Variants in TTN observed in about 807,000 individuals in gnomAD.
TTN encodes titin.
In TTN, 1,525 loss-of-function variants were observed where a neutral mutation model predicts 3,223.0. The ratio of observed to expected loss-of-function variants is 0.47; its 90% confidence interval spans 0.45 to 0.49. TTN has a LOEUF of 0.49. Among genes scored for constraint, TTN ranks in the 20% least tolerant of loss-of-function variants. TTN has a pLI of 0.00. For missense variants in TTN, 40,786 were observed against 43,424.0 expected (o/e 0.94, Z 5.40); for synonymous variants, 14,094 against 15,161.0 (o/e 0.93, Z 5.17).
intron 139 of TTN, 68 bp downstream of exon 139, chr2:178,680,186 A>G: frequency 1.0e-5 from 16 of 1,589,730 alleles, no homozygotes; most frequent in Non-Finnish European, 1.4e-5. Context: ...AAGTTTTCAC[A>G]CACAGAACTG....
In TTN at chr2:178,724,505, A is replaced by G. The variant is rs754721444; in HGVS notation, c.20870T>C (p.Met6957Thr). Residue 6957 changes from methionine (M) to threonine (T), a missense_variant, in exon 72 of 363, where the codon ATG becomes ACG. Coordinates refer to ENST00000589042, the MANE Select transcript of TTN (RefSeq NM_001267550.2). The part of the protein sequence containing the change: ...PAVIVEKAGP[M>T]TVTVGETCTL... ...GCACGTTTCTCCTACAGTCACCGTC[A>G]TCGGTCCTGCCTTCTCAACAATGAC... The G allele has an allele frequency of 1.2e-6, 2 of 1,606,498 alleles. No homozygotes were observed. The highest frequency in any genetic ancestry group is 2.7e-5 in the African/African-American group (2 of 74,708).
chr2:178,688,674 T>C lies in TTN; in HGVS notation c.32197+3A>G, dbSNP rs769891626. 6 of 1,606,134 alleles carry C rather than the reference T, an allele frequency of 3.7e-6. No individual in the cohort carries two copies. The South Asian group carries it at 4.4e-5, about 12-fold the overall frequency. ...ATTTATCCCCTGACTTCCGATTATATACCTTCGTGCCGCGTGACTTCCACT... is the reference window on the plus strand; with the variant it reads ...ATTTATCCCCTGACTTCCGATTATACACCTTCGTGCCGCGTGACTTCCACT... On this transcript the variant is annotated splice_donor_region_variant and intron_variant, in intron 126 of 362. Coordinates refer to ENST00000589042, the MANE Select transcript of TTN (RefSeq NM_001267550.2).
rs760063480 is a variant in TTN at position 178,725,621 on chromosome 2, G to A, written c.20583C>T (p.Asn6861=). Residue 6861 remains asparagine (N), a synonymous_variant, in exon 71 of 363, where the codon AAC becomes AAT. Coordinates refer to ENST00000589042, the MANE Select transcript of TTN (RefSeq NM_001267550.2). The part of the protein sequence containing the change: ...KEPPRFVSKL[N]SLTVVAGEPA... Reference sequence around the variant, plus strand: ...GCTCTCCGGCTACAACAGTGAGGCTGTTCAGTTTGGAGACAAATCTTGGTG... The same window carrying A: ...GCTCTCCGGCTACAACAGTGAGGCTATTCAGTTTGGAGACAAATCTTGGTG... 1.9e-6 allele frequency: 3 copies of A among 1,593,070 alleles called. No individual in the cohort carries two copies. Among genetic ancestry groups the A allele is most frequent in the Non-Finnish European group, 1.7e-6 (2 of 1,169,116 alleles).
chr2:178,684,660 G>T lies in TTN; in HGVS notation c.32638+6C>A. The T allele has an allele frequency of 6.2e-7, 1 of 1,603,308 alleles. No homozygotes were observed. The highest frequency in any genetic ancestry group is 1.1e-5 in the South Asian group (1 of 88,386). On this transcript the variant is annotated splice_donor_region_variant and intron_variant, in intron 131 of 362. Transcript: ENST00000589042. The stretch of plus-strand genomic sequence containing the variant: ...CCTAGTTTTTCTGCTGGGGAGGTTT[G>T]TTTACCTTTGGCTGGGAGAGGTTCT...
chr2:178,717,672 T>G lies in TTN; in HGVS notation c.25202A>C (p.Lys8401Thr), dbSNP rs753121966. ...AGATGTCTGCAAATTAGCATCATCTTTCAAAAGAACCCCATCCTTGTACCA... is the reference window on the plus strand; with the variant it reads ...AGATGTCTGCAAATTAGCATCATCTGTCAAAAGAACCCCATCCTTGTACCA... ...VSWYKDGVLLKDDANLQTSFV... is the reference protein window; with the variant it reads ...VSWYKDGVLLTDDANLQTSFV... Residue 8401 changes from lysine to threonine, a missense_variant, in exon 87 of 363, where the codon AAA (lysine) becomes ACA (threonine). Coordinates refer to ENST00000589042, the MANE Select transcript of TTN (RefSeq NM_001267550.2). The G allele has an allele frequency of 6.2e-7, 1 of 1,613,474 alleles. No homozygotes were observed. The highest frequency in any genetic ancestry group is 1.7e-5 in the Admixed American group (1 of 59,992).
At chr2:178,555,254 T>TAC in intron 330 of TTN, 102 bp from the exon 331 acceptor site, 3 of 1,033,084 alleles carry the variant, frequency 2.9e-6, no homozygotes, top group Non-Finnish European at 1.4e-6. Context: ...TATTAAATTA[T>TAC]ACACACACAC....
Position 178,732,049 on chromosome 2 carries a change from G to C in TTN, c.16903+17C>G. ...GGCCATAACTTTGGCAACACAAGAGGCAAAGTGAACACAAACCTTTGACTA... is the reference window on the plus strand; with the variant it reads ...GGCCATAACTTTGGCAACACAAGAGCCAAAGTGAACACAAACCTTTGACTA... On this transcript the variant is annotated intron_variant, in intron 57 of 362. Transcript: ENST00000589042. 3 of 1,592,202 alleles carry C rather than the reference G, an allele frequency of 1.9e-6. No homozygotes were observed. Among genetic ancestry groups the C allele is most frequent in the South Asian group, 1.1e-5 (1 of 87,512 alleles).
Position 178,723,258 on chromosome 2 carries a change from T to C in TTN, c.21749A>G (p.Glu7250Gly), listed in dbSNP as rs758430575. 6.2e-7 allele frequency: 1 copy of C among 1,613,588 alleles called. No homozygotes were observed. Among genetic ancestry groups the C allele is most frequent in the Admixed American group, 1.7e-5 (1 of 59,988 alleles). The part of the protein sequence containing the change: ...SVEPGKSIIL[E>G]STYTGTLPIS... The stretch of plus-strand genomic sequence containing the variant: ...TGGAAGTGTTCCAGTGTAGGTGCTC[T>C]CCAGAATTATGGACTTCCCTGGTTC... The change falls in exon 75 of 363, where the codon GAG (glutamate) becomes GGG (glycine). Residue 7250 changes from glutamate to glycine, a missense_variant. Glu to Gly is a moderately conservative substitution (Grantham distance 98). Coordinates refer to ENST00000589042, the MANE Select transcript of TTN (RefSeq NM_001267550.2).
chr2:178,776,712 C>T lies in TTN; in HGVS notation c.5152G>A (p.Gly1718Arg). 6.2e-7 allele frequency: 1 copy of T among 1,614,088 alleles called. No homozygotes were observed. Among genetic ancestry groups the T allele is most frequent in the Non-Finnish European group, 8.5e-7 (1 of 1,180,008 alleles). ...AGCCTGCATTCAAAGTGGGCAGGCC[C>T]AAAGCGCTTAAGTCTTAAGGAAGTG... The part of the protein sequence containing the change: ...KLTSLRLKRF[G>R]PAHFECRLTP... Residue 1718 changes from glycine to arginine, a missense_variant, in exon 28 of 363, where the codon GGG becomes AGG. Coordinates refer to ENST00000589042, the MANE Select transcript of TTN (RefSeq NM_001267550.2).
Position 178,576,429 on chromosome 2 carries a change from CAA to C in TTN, c.69716-15_69716-14del, listed in dbSNP as rs1303369267. On this transcript the variant is annotated splice_polypyrimidine_tract_variant and intron_variant, in intron 325 of 362. Transcript: ENST00000589042. The surrounding 1 kb of genome is among the most constrained non-coding windows in gnomAD (Gnocchi z 4.3). ...GGTCCTGGAGGATCTGAGAAAGAAACAAAGACACAAAAGTATATATTCAGAGT... is the reference window on the plus strand; with the variant it reads ...GGTCCTGGAGGATCTGAGAAAGAAACAGACACAAAAGTATATATTCAGAGT... The C allele has an allele frequency of 1.3e-6, 2 of 1,577,300 alleles. No individual in the cohort carries two copies. Among genetic ancestry groups the C allele is most frequent in the Non-Finnish European group, 1.7e-6 (2 of 1,169,132 alleles).
intron 6 of TTN, among the ~76,000 whole-genome samples, chr2:178,796,759 C>T (rs1205944747): frequency 6.6e-6 from 1 of 152,134 alleles, no homozygotes; most frequent in Non-Finnish European, 1.5e-5. Flanking sequence ...CATGACATGA[C>T]TGATTAACAG....
Position 178,633,035 on chromosome 2 carries a change from T to C in TTN, c.43096A>G (p.Ile14366Val). 6.2e-7 allele frequency: 1 copy of C among 1,612,914 alleles called. No individual in the cohort carries two copies. The highest frequency in any genetic ancestry group is 8.5e-7 in the Non-Finnish European group (1 of 1,179,312). Residue 14366 changes from isoleucine (I) to valine (V), a missense_variant, in exon 234 of 363, where the codon ATC becomes GTC. Physicochemically the swap from Ile to Val is conservative, Grantham distance 29. Coordinates refer to ENST00000589042, the MANE Select transcript of TTN (RefSeq NM_001267550.2). ...QPLTASPDCE[I>V]IEDGKKHILI... ...ATATGCTTCTTTCCATCCTCAATGA[T>C]TTCACAGTCCTGTTTGGAGTGAGGG...
At position 178,620,453 on chromosome 2, in the gene TTN, G is replaced by A. The variant is rs534305956; in HGVS notation, c.46068C>T (p.His15356=). The A allele has an allele frequency of 6.2e-7, 1 of 1,612,356 alleles. No individual in the cohort carries two copies. The highest frequency in any genetic ancestry group is 1.1e-5 in the South Asian group (1 of 91,010). The change falls in exon 248 of 363, where the codon CAC becomes CAT. Residue 15356 remains histidine, a synonymous_variant. Coordinates refer to ENST00000589042, the MANE Select transcript of TTN (RefSeq NM_001267550.2). ...AGCCACAGTCTTTAATGGTTAACATGTGCTTGTACTTATCAACTCTGTATG... is the reference window on the plus strand; with the variant it reads ...AGCCACAGTCTTTAATGGTTAACATATGCTTGTACTTATCAACTCTGTATG... ...RVSYRVDKYK[H]MLTIKDCGFP...
At position 178,607,008 on chromosome 2, in the gene TTN, CCTT is replaced by C. The variant is rs2055053782; in HGVS notation, c.53581+10_53581+12del. On this transcript the variant is annotated intron_variant, in intron 278 of 362. Coordinates refer to ENST00000589042, the MANE Select transcript of TTN (RefSeq NM_001267550.2). ...ACATTACTCTATAAACACAATGAAA[CCTT>C]CTCTTTTACCTAGTGGATCAACTGC... 6.3e-7 allele frequency: 1 copy of C among 1,598,994 alleles called. No individual in the cohort carries two copies.
Position 178,604,323 on chromosome 2 carries a change from AG to A in TTN, c.54382-19del. ...TTCCAGATCTAGAAATTAGAAAAAC[AG>A]AAATTTATTGAAGAGAATATACTTA... is the stretch of plus-strand genomic sequence containing the variant. On this transcript the variant is annotated intron_variant, in intron 281 of 362. Coordinates refer to ENST00000589042, the MANE Select transcript of TTN (RefSeq NM_001267550.2). 7.0e-7 allele frequency: 1 copy of A among 1,433,474 alleles called. No homozygotes were observed. The allele number at this position is 1,433,474 out of a possible 1,614,324, so 88.8% of individuals were successfully genotyped here. A position where few individuals can be genotyped will look rare whatever the true frequency, so the allele number is the denominator to read the frequency against.
rs768892376 is a variant in TTN, at chr2:178,571,524, C to G, written c.74608G>C (p.Ala24870Pro). ...SATVARTTIK[A>P]CRLKTGCEYQ... ...TCACATCCAGTCTTCAGTCTGCAAG[C>G]CTTTATTGTTGTCCTTGCAACTGTA... is the stretch of plus-strand genomic sequence containing the variant. The change falls in exon 326 of 363, where the codon GCT becomes CCT. Residue 24870 changes from alanine (A) to proline (P), a missense_variant. Physicochemically the swap from Ala to Pro is conservative, Grantham distance 27. Transcript: ENST00000589042. 3.7e-6 allele frequency: 6 copies of G among 1,613,126 alleles called. No individual in the cohort carries two copies. The highest frequency in any genetic ancestry group is 1.6e-4 in the Middle Eastern group (1 of 6,076).
rs1361032185 is a variant in TTN, at chr2:178,773,200, T to A, written c.7764A>T (p.Lys2588Asn). The change falls in exon 33 of 363, where the codon AAA (lysine) becomes AAT (asparagine). Residue 2588 changes from lysine to asparagine, a missense_variant. Coordinates refer to ENST00000589042, the MANE Select transcript of TTN (RefSeq NM_001267550.2). ...CTTTCATCATATTTAGAACTGTCAA[T>A]TTATATATTTTTCCATGTGCTTCAA... ...YKIEAHGKIYKLTVLNMMKDD... is the reference protein window; with the variant it reads ...YKIEAHGKIYNLTVLNMMKDD... 6.2e-7 allele frequency: 1 copy of A among 1,613,658 alleles called. No individual in the cohort carries two copies. The highest frequency in any genetic ancestry group is 1.1e-5 in the South Asian group (1 of 91,038).
intron 13 of TTN, 121 bp from the exon 14 acceptor site, chr2:178,786,262 A>G: frequency 9.6e-7 from 1 of 1,045,464 alleles, no homozygotes; most frequent in Non-Finnish European, 1.4e-6. Context: ...GTGTCTAGAA[A>G]TGTATCTCAG....
rs376857772 is a variant in TTN, at chr2:178,728,343, A to C, written c.19481T>G (p.Leu6494Arg). 43 of 1,608,788 alleles carry C rather than the reference A, an allele frequency of 2.7e-5. No individual in the cohort carries two copies. The East Asian group carries it at 6.0e-4, about 23-fold the overall frequency. ...GCACTCCATATGAATAGAAGAGCCC[A>C]GAACTTTATCCATTTTGGTTAATTT... ...TKKLTKMDKV[L>R]GSSIHMECKV... The change falls in exon 67 of 363, where the codon CTG becomes CGG. Residue 6494 changes from leucine to arginine, a missense_variant. Transcript: ENST00000589042.
Sources: gnomAD v4.1 joint callset for allele counts (sites outside exome capture counted in the v4.1 genomes callset) on GRCh38, gnomAD v4.1.1 for gene constraint, Gnocchi (gnomAD v3.1) non-coding constraint, MANE v1.5 for transcripts, NCBI Gene and HGNC (gene_info 2026-07-23, HGNC 2026-07-21) for gene names.